NTAQ1: variants seen among roughly 807,000 people sequenced by gnomAD.
NTAQ1 encodes the protein protein N-terminal glutamine amidohydrolase.
In NTAQ1, 21 loss-of-function variants were observed where a neutral mutation model predicts 28.2. The ratio of observed to expected loss-of-function variants is 0.74; its 90% CI spans 0.53 to 1.07. The LOEUF (loss-of-function observed/expected upper bound fraction) is 1.07. NTAQ1 is among the 50% of genes least tolerant of loss of function. The probability of loss-of-function intolerance (pLI) is 0.00; values close to 1 mark genes in which losing one functional copy is unlikely to be tolerated. For synonymous variants in NTAQ1, 105 were observed against 90.0 expected (o/e 1.17, Z -0.94); for missense variants, 264 against 256.6 (o/e 1.03, Z -0.20).
chr8:123,451,520 T>G (rs1348666958), downstream of NTAQ1, among the ~76,000 whole-genome samples: 1 of 151,824 alleles, frequency 6.6e-6, no homozygotes, highest in African/African-American at 2.4e-5. Flanking sequence ...TGTATTTTTA[T>G]TAGAGACAGA....
Position 123,427,921 on chromosome 8 carries a change from C to T in NTAQ1, c.84-3C>T. On this transcript the variant is annotated splice_polypyrimidine_tract_variant and splice_region_variant and intron_variant, in intron 1 of 5. Transcript: ENST00000287387. ...TCTTGATTAAACAATTATTTTATTT[C>T]AGTGAAGAAAATATTTGGAAGCTCT... 1.3e-6 allele frequency: 2 copies of T among 1,579,014 alleles called. No individual in the cohort carries two copies. The highest frequency in any genetic ancestry group is 2.3e-5 in the South Asian group (2 of 86,334).
chr8:123,452,287 G>T (rs1190528918), downstream of NTAQ1, among the ~76,000 whole-genome samples: 1 of 152,172 alleles, frequency 6.6e-6, no homozygotes, highest in Non-Finnish European at 1.5e-5. Flanking sequence ...ATCTGTTCAG[G>T]CCAGGCTTTT....
At chr8:123,457,318 C>T (rs985228740) in intron 6 of NTAQ1, among the ~76,000 whole-genome samples, 6 of 152,006 alleles carry the variant, frequency 3.9e-5, no homozygotes, top group Non-Finnish European at 8.8e-5. Flanking sequence ...CCGCCTGCCT[C>T]GGCCTCCCAA....
chr8:123,451,258 A>C (rs6470153), downstream of NTAQ1, among the ~76,000 whole-genome samples: 46,162 of 152,198 alleles, frequency 0.3, 7,478 homozygotes, highest in South Asian at 0.45. Context: ...TGCCCCAGTC[A>C]ACATGACAGT....
In NTAQ1 at chr8:123,434,877, C is replaced by T. The variant is rs535238431; in HGVS notation, c.235-1576C>T. ...TGGGGGCGTGGAGGATAGGATGTAT[C>T]TGGGGAAGTCCAGAGAATAGGCATT... On this transcript the variant is annotated intron_variant, in intron 3 of 5. Coordinates refer to ENST00000287387, the MANE Select transcript of NTAQ1 (RefSeq NM_018024.3). 1.7e-4 allele frequency among the ~76,000 whole-genome samples: 26 copies of T among 152,146 alleles called. No homozygotes were observed. In the South Asian group the frequency reaches 2.3e-3, roughly 13 times the overall value.
chr8:123,436,094 G>A (rs1405865796), intron 3 of NTAQ1, among the ~76,000 whole-genome samples: 5 of 146,750 alleles, frequency 3.4e-5, no homozygotes, highest in Admixed American at 6.8e-5. Flanking sequence ...GCTTGAACCC[G>A]GCAGGTGGAG....
intron 1 of NTAQ1, among the ~76,000 whole-genome samples, chr8:123,427,454 T>C (rs1206008943): frequency 6.6e-6 from 1 of 151,942 alleles, no homozygotes; most frequent in Non-Finnish European, 1.5e-5. Flanking sequence ...GGTTTCACCA[T>C]ATTGGTCAGG....
chr8:123,437,958 C>T (rs968974757), intron 5 of NTAQ1, among the ~76,000 whole-genome samples: 4 of 152,182 alleles, frequency 2.6e-5, no homozygotes, highest in African/African-American at 9.7e-5. Flanking sequence ...TGTCATTTAA[C>T]AGCGGGACTA....
chr8:123,463,187 A>G (rs1815879546), intron 6 of NTAQ1, among the ~76,000 whole-genome samples: 1 of 152,246 alleles, frequency 6.6e-6, no homozygotes. Flanking sequence ...TAAATACTTC[A>G]GAAGGATTTC....
chr8:123,432,485 C>T (rs1586942081), intron 3 of NTAQ1, among the ~76,000 whole-genome samples: 2 of 151,638 alleles, frequency 1.3e-5, no homozygotes, highest in Admixed American at 1.3e-4. Flanking sequence ...ATTAAAAATA[C>T]AAAAATTAGC....
downstream of NTAQ1, among the ~76,000 whole-genome samples, chr8:123,445,702 T>C (rs1307757021): frequency 2.0e-5 from 3 of 152,226 alleles, no homozygotes; most frequent in South Asian, 2.1e-4. Context: ...GCCTCCCGGG[T>C]TGAAGTGATT....
At chr8:123,462,901 G>T (rs1815870678) in intron 6 of NTAQ1, among the ~76,000 whole-genome samples, 1 of 152,212 alleles carries the variant, frequency 6.6e-6, no homozygotes, top group South Asian at 2.1e-4. Flanking sequence ...AAATTAAAAA[G>T]TCTGACACTT....
intron 1 of NTAQ1, among the ~76,000 whole-genome samples, chr8:123,418,449 A>C (rs1276360772): frequency 5.4e-5 from 5 of 92,362 alleles, no homozygotes; most frequent in African/African-American, 2.0e-4. Flanking sequence ...CTCCATCTCA[A>C]AAAAAAAAAA....
intron 6 of NTAQ1, among the ~76,000 whole-genome samples, chr8:123,456,262 G>T (rs1815647948): frequency 6.6e-6 from 1 of 152,108 alleles, no homozygotes; most frequent in Admixed American, 6.6e-5. Context: ...AATATTGAGA[G>T]AACTTATATA....
downstream of NTAQ1, among the ~76,000 whole-genome samples, chr8:123,446,467 G>A (rs1363193715): frequency 6.6e-6 from 1 of 152,238 alleles, no homozygotes; most frequent in Non-Finnish European, 1.5e-5. Flanking sequence ...ATGAATAGGT[G>A]TGGCTGAGCT....
downstream of NTAQ1, among the ~76,000 whole-genome samples, chr8:123,443,697 T>C (rs1156918551): frequency 1.3e-5 from 2 of 151,944 alleles, no homozygotes; most frequent in African/African-American, 4.8e-5. Context: ...ACCTCAGCCT[T>C]CTGAGTAGCT....
chr8:123,439,241 C>T (rs1252688739), intron 5 of NTAQ1, among the ~76,000 whole-genome samples: 1 of 151,926 alleles, frequency 6.6e-6, no homozygotes, highest in Non-Finnish European at 1.5e-5. Flanking sequence ...TGCAGTGGCA[C>T]GATCCCAGCT....
At chr8:123,454,376 T>C (rs1447330497) in intron 6 of NTAQ1, among the ~76,000 whole-genome samples, 1 of 151,458 alleles carries the variant, frequency 6.6e-6, no homozygotes, top group Non-Finnish European at 1.5e-5. Context: ...TGTTTTGTTT[T>C]GTTTTTTTTG....
intron 1 of NTAQ1, among the ~76,000 whole-genome samples, chr8:123,420,590 CTTTTTTT>C (rs71310676): frequency 9.8e-6 from 1 of 102,034 alleles, no homozygotes; most frequent in African/African-American, 3.7e-5. Flanking sequence ...TATTTTTTGC[CTTTTTTT>C]TTTTTTTTTT....
Sources: gnomAD v4.1 joint callset for allele counts (sites outside exome capture counted in the v4.1 genomes callset) on GRCh38, gnomAD v4.1.1 for gene constraint, MANE v1.5 for transcripts, NCBI Gene and HGNC (gene_info 2026-07-23, HGNC 2026-07-21) for gene names.